NRXN3: variants seen among roughly 807,000 people sequenced by gnomAD.
NRXN3 encodes neurexin III.
In NRXN3, 32 loss-of-function variants were observed where a neutral mutation model predicts 137.6. That is an observed-to-expected ratio of 0.23 (90% confidence interval 0.18 to 0.31). NRXN3 has a LOEUF of 0.31. Ranked by LOEUF, NRXN3 falls within the 10% of genes least tolerant of loss-of-function variation. NRXN3 has a pLI of 1.00. For missense variants in NRXN3, 1,574 were observed against 2,062.5 expected, an observed-to-expected ratio of 0.76 and a Z score of 4.59; for synonymous variants, 798 against 784.5, an observed-to-expected ratio of 1.02 and a Z score of -0.29.
intron 15 of NRXN3, among the ~76,000 whole-genome samples, chr14:79,411,285 C>T (rs909215773): frequency 6.6e-6 from 1 of 152,098 alleles, no homozygotes; most frequent in Non-Finnish European, 1.5e-5. Context: ...TCTGGCAACA[C>T]TAAGTTTGTA....
At chr14:79,413,735 A>G (rs1346541552) in intron 15 of NRXN3, among the ~76,000 whole-genome samples, 1 of 152,012 alleles carries the variant, frequency 6.6e-6, no homozygotes, top group Non-Finnish European at 1.5e-5. Flanking sequence ...AAATATTAAT[A>G]AGTCATAGGA....
At chr14:78,496,035 C>T (rs752972524) in intron 4 of NRXN3, among the ~76,000 whole-genome samples, 1 of 152,154 alleles carries the variant, frequency 6.6e-6, no homozygotes, top group Non-Finnish European at 1.5e-5. Context: ...AAGCCTTGAG[C>T]CCTGACAAAT....
chr14:79,507,498 C>A (rs1260486849), intron 16 of NRXN3, among the ~76,000 whole-genome samples: 1 of 152,098 alleles, frequency 6.6e-6, no homozygotes, highest in African/African-American at 2.4e-5. Context: ...AAAATTGTTT[C>A]TTTGAATACA....
At chr14:79,806,714 A>AT (rs1160934068) in intron 20 of NRXN3, among the ~76,000 whole-genome samples, 4 of 146,634 alleles carry the variant, frequency 2.7e-5, no homozygotes, top group African/African-American at 1.0e-4. Context: ...AGTCCTTCCT[A>AT]TTCTGTTTTT....
At chr14:79,429,548 C>T (rs2095711821) in intron 15 of NRXN3, among the ~76,000 whole-genome samples, 1 of 152,178 alleles carries the variant, frequency 6.6e-6, no homozygotes, top group Non-Finnish European at 1.5e-5. Context: ...AATATAATTT[C>T]ATAAAGTGTA....
intron 4 of NRXN3, among the ~76,000 whole-genome samples, chr14:78,612,946 C>T (rs751042195): frequency 1.3e-5 from 2 of 152,146 alleles, no homozygotes; most frequent in Non-Finnish European, 2.9e-5. Context: ...AGTTATTTCC[C>T]GTGCATGGTT....
chr14:78,695,815 A>T (rs953488775), intron 6 of NRXN3: 2 of 152,192 alleles, frequency 1.3e-5, no homozygotes, highest in Admixed American at 1.3e-4. Context: ...TCACTGGGAG[A>T]TTACTGAGTA....
chr14:79,687,052 C>A (rs1435191485), intron 17 of NRXN3, among the ~76,000 whole-genome samples: 2 of 152,148 alleles, frequency 1.3e-5, no homozygotes, highest in African/African-American at 2.4e-5. Context: ...ACATTAATTT[C>A]TTTACCTTGG....
intron 6 of NRXN3, among the ~76,000 whole-genome samples, chr14:78,670,725 A>G (rs1602197218): frequency 6.6e-6 from 1 of 152,212 alleles, no homozygotes; most frequent in Non-Finnish European, 1.5e-5. Flanking sequence ...TTTTAGGTGG[A>G]TATAACTGGG....
chr14:79,536,959 C>T (rs965167747), intron 16 of NRXN3, among the ~76,000 whole-genome samples: 15 of 152,016 alleles, frequency 9.9e-5, no homozygotes, highest in African/African-American at 3.6e-4. Context: ...ATTTATGTTC[C>T]TTTGGGTATA....
chr14:79,298,921 T>G (rs772803890), intron 15 of NRXN3: 2 of 152,372 alleles, frequency 1.3e-5, no homozygotes, highest in Non-Finnish European at 2.9e-5. Context: ...AAGTCTGTAG[T>G]AGTGAATATG....
intron 16 of NRXN3, among the ~76,000 whole-genome samples, chr14:79,534,397 A>G (rs1271174067): frequency 6.6e-6 from 1 of 152,204 alleles, no homozygotes; most frequent in Non-Finnish European, 1.5e-5. Flanking sequence ...ATATTAAAAG[A>G]GGTTTTATAT....
At chr14:79,108,609 T>G (rs2052902641) in intron 15 of NRXN3, among the ~76,000 whole-genome samples, 3 of 152,180 alleles carry the variant, frequency 2.0e-5, no homozygotes, top group African/African-American at 7.2e-5. Flanking sequence ...ATGGCACTCT[T>G]AAACTGTCCA....
At chr14:79,342,886 C>T (rs185566036) in intron 15 of NRXN3, among the ~76,000 whole-genome samples, 33 of 152,192 alleles carry the variant, frequency 2.2e-4, no homozygotes, top group African/African-American at 5.3e-4. Context: ...TGCAGGAGAC[C>T]GGAGTTTTAC....
intron 15 of NRXN3, among the ~76,000 whole-genome samples, chr14:79,395,130 G>A (rs1567005390): frequency 6.6e-6 from 1 of 152,164 alleles, no homozygotes; most frequent in African/African-American, 2.4e-5. Context: ...GGAGCATTGT[G>A]CTAATTGCTG....
chr14:78,177,092 A>G (rs556488608), intron 1 of NRXN3, among the ~76,000 whole-genome samples: 1 of 152,300 alleles, frequency 6.6e-6, no homozygotes, highest in African/African-American at 2.4e-5. Flanking sequence ...TTTCAGGTCC[A>G]GCAGAGGCTC....
At chr14:79,358,585 G>GAGAAAGAA (rs1216743218) in intron 15 of NRXN3, among the ~76,000 whole-genome samples, 37 of 78,096 alleles carry the variant, frequency 4.7e-4, no homozygotes, top group African/African-American at 1.3e-3. Context: ...GAAAGAAAGA[G>GAGAAAGAA]AGAAAGAAAG....
At chr14:78,328,208 A>G (rs972026405) in intron 4 of NRXN3, among the ~76,000 whole-genome samples, 3 of 152,022 alleles carry the variant, frequency 2.0e-5, no homozygotes, top group African/African-American at 7.2e-5. Flanking sequence ...TAAAATCCCA[A>G]TTGTTCCTAG....
rs541882437 is a variant in NRXN3 at position 78,601,693 on chromosome 14, A to G, written c.758-43427A>G. On this transcript the variant is annotated intron_variant, in intron 4 of 20. Coordinates refer to ENST00000335750, the MANE Select transcript of NRXN3 (RefSeq NM_001330195.2). ...ATGGTCTCTATCTCCTGACCTCGTG[A>G]TCCACCCACCTCGGCCTCCCAAAGT... Among the ~76,000 whole-genome samples the G allele has an allele frequency of 9.2e-5, 14 of 152,214 alleles. 1 individual carries two copies. In the South Asian group the frequency reaches 2.7e-3, roughly 29 times the overall value.
Sources: allele counts gnomAD v4.1 joint callset (sites outside exome capture counted in the v4.1 genomes callset), GRCh38; gene constraint gnomAD v4.1.1; transcripts MANE v1.5; gene names NCBI Gene and HGNC (gene_info 2026-07-23, HGNC 2026-07-21).